The following PLEKHG4B variants were observed in gnomAD, a reference collection of about 807,000 sequenced individuals.
PLEKHG4B encodes pleckstrin homology and RhoGEF domain containing G4B.
A neutral mutation model predicts 121.3 loss-of-function variants in PLEKHG4B; 111 were observed. That is an observed-to-expected ratio of 0.92 (90% CI 0.78 to 1.07). PLEKHG4B has a LOEUF of 1.07. PLEKHG4B is among the 50% of genes least tolerant of loss of function. PLEKHG4B has a pLI of 0.00. For missense variants in PLEKHG4B, 1,831 were observed against 1,757.8 expected, an observed-to-expected ratio of 1.04 and a Z score of -0.74; for synonymous variants, 738 against 725.0, an observed-to-expected ratio of 1.02 and a Z score of -0.29.
chr5:160,403 C>T (rs551832929), intron 11 of PLEKHG4B, among the ~76,000 whole-genome samples: 6 of 152,358 alleles, frequency 3.9e-5, no homozygotes, highest in Non-Finnish European at 7.3e-5. Flanking sequence ...GAGGTTTCCA[C>T]GCATAAGCCG....
intron 2 of PLEKHG4B, among the ~76,000 whole-genome samples, chr5:131,463 A>G (rs1192543121): frequency 6.6e-6 from 1 of 152,096 alleles, no homozygotes; most frequent in African/African-American, 2.4e-5. Flanking sequence ...TTATGGCTAC[A>G]TAGTATTCCA....
At chr5:104,871 C>T (rs62344109) in intron 1 of PLEKHG4B, among the ~76,000 whole-genome samples, 3,119 of 152,342 alleles carry the variant, frequency 0.02, 65 homozygotes, top group Middle Eastern at 0.075. Flanking sequence ...TACAACCTTC[C>T]TGCTGTAAGA....
chr5:92,936 C>T lies in PLEKHG4B; in HGVS notation c.45+660C>T, dbSNP rs555914667. 7.2e-4 allele frequency among the ~76,000 whole-genome samples: 110 copies of T among 152,170 alleles called. No individual in the cohort carries two copies. In the Middle Eastern group the frequency reaches 0.01, roughly 14 times the overall value. ...TAGTAAAACAAGACAGTTATTTCAG[C>T]TTTGGTGAAAGAGTGATAAAGCTGT... On this transcript the variant is annotated intron_variant, in intron 1 of 19. Transcript: ENST00000637938.
At chr5:172,558 T>C (rs1414896493) in intron 16 of PLEKHG4B, among the ~76,000 whole-genome samples, 1 of 152,092 alleles carries the variant, frequency 6.6e-6, no homozygotes, top group African/African-American at 2.4e-5. Flanking sequence ...TTGTGATCTC[T>C]GCACGTATGA....
intron 19 of PLEKHG4B, 22 bp from the exon 20 acceptor site, chr5:181,982 C>T (rs767798974): frequency 7.5e-6 from 12 of 1,605,038 alleles, no homozygotes; most frequent in Non-Finnish European, 1.0e-5. Flanking sequence ...GCCAGCCTGA[C>T]GTGCTTTCTG....
At position 140,577 on chromosome 5, in the gene PLEKHG4B, C is replaced by T. The variant is rs1187830219; in HGVS notation, c.1338C>T (p.Ser446=). ...GGTCCTGGGAAAGGGCACCCAGAAG[C>T]TCCAGAGGGGCCCAGGCTGCAGCCT... The part of the protein sequence containing the change: ...RSRSWERAPR[S]SRGAQAAACH... Residue 446 remains serine (S), a synonymous_variant, in exon 3 of 20, where the codon AGC becomes AGT. Transcript: ENST00000637938. The T allele has an allele frequency of 5.6e-6, 9 of 1,608,962 alleles. No homozygotes were observed. The Middle Eastern group carries it at 5.0e-4, about 89-fold the overall frequency.
chr5:111,441 A>G (rs1295812923), intron 1 of PLEKHG4B, among the ~76,000 whole-genome samples: 4 of 152,198 alleles, frequency 2.6e-5, no homozygotes, highest in Non-Finnish European at 5.9e-5. Context: ...TTGACAGCGC[A>G]GTGCACCAGC....
intron 1 of PLEKHG4B, among the ~76,000 whole-genome samples, chr5:108,240 C>T (rs114139248): frequency 3.3e-5 from 5 of 152,212 alleles, no homozygotes; most frequent in Non-Finnish European, 7.3e-5. Flanking sequence ...GATGATGTGG[C>T]TTTTGGTGAT....
intron 2 of PLEKHG4B, among the ~76,000 whole-genome samples, chr5:134,765 C>CAAAAA (rs147226236): frequency 7.1e-5 from 6 of 84,652 alleles, no homozygotes; most frequent in African/African-American, 1.1e-4. Context: ...GACTCTGTCT[C>CAAAAA]AAAAAAAAAA....
intron 18 of PLEKHG4B, among the ~76,000 whole-genome samples, chr5:179,038 T>C (rs1736853020): frequency 6.6e-6 from 1 of 152,266 alleles, no homozygotes; most frequent in Admixed American, 6.5e-5. Flanking sequence ...CCTGTGGATA[T>C]GGAACCCACT....
chr5:135,573 G>A (rs1027337532), intron 2 of PLEKHG4B, among the ~76,000 whole-genome samples: 6 of 148,204 alleles, frequency 4.0e-5, no homozygotes, highest in African/African-American at 5.0e-5. Context: ...GGCTGAGGCA[G>A]GAGAATGGCA....
chr5:110,978 C>T (rs192046053), intron 1 of PLEKHG4B, among the ~76,000 whole-genome samples: 63 of 152,378 alleles, frequency 4.1e-4, no homozygotes, highest in African/African-American at 1.4e-3. Context: ...CTCCTGGCCC[C>T]GAGGCCTGGA....
At chr5:158,593 C>T (rs1226722650) in intron 11 of PLEKHG4B, among the ~76,000 whole-genome samples, 4 of 147,352 alleles carry the variant, frequency 2.7e-5, no homozygotes, top group African/African-American at 5.0e-5. Context: ...CTTCATCTTC[C>T]CCTCCTCGTT....
chr5:118,797 A>T (rs1444634452), intron 2 of PLEKHG4B, among the ~76,000 whole-genome samples: 1 of 150,160 alleles, frequency 6.7e-6, no homozygotes, highest in Non-Finnish European at 1.5e-5. Context: ...GTTGTCATAT[A>T]TTATATATAT....
In PLEKHG4B at chr5:181,589, C is replaced by A. The variant is rs1364904119; in HGVS notation, c.4478C>A (p.Thr1493Asn). 1 of 1,614,090 alleles carries A rather than the reference C, an allele frequency of 6.2e-7. No homozygotes were observed. The highest frequency in any genetic ancestry group is 1.1e-5 in the South Asian group (1 of 91,074). ...ATGGATGTCAAGCCCAGAGACCGGA[C>A]CCCTGACTGTGCAGTGATAAGCGAC... ...PFMDVKPRDR[T>N]PDCAVISDRA... The change falls in exon 19 of 20, where the codon ACC (threonine) becomes AAC (asparagine). Residue 1493 changes from threonine (T) to asparagine (N), a missense_variant. Coordinates refer to ENST00000637938, the MANE Select transcript of PLEKHG4B (RefSeq NM_052909.5).
chr5:173,305 A>G (rs954248151), intron 17 of PLEKHG4B, among the ~76,000 whole-genome samples: 2 of 152,128 alleles, frequency 1.3e-5, no homozygotes, highest in Admixed American at 6.5e-5. Flanking sequence ...GGGCTGAGAA[A>G]CAAGTGCCTA....
chr5:144,676 T>G, intron 5 of PLEKHG4B, 151 bp from the exon 6 acceptor site: 1 of 634,230 alleles, frequency 1.6e-6, no homozygotes, highest in South Asian at 2.0e-5. Flanking sequence ...GGCCTGCACC[T>G]TCGGGAAGTG....
intron 2 of PLEKHG4B, among the ~76,000 whole-genome samples, chr5:124,797 T>C (rs993669884): frequency 1.3e-5 from 2 of 152,324 alleles, no homozygotes; most frequent in Admixed American, 6.5e-5. Context: ...AGTGAGTCTT[T>C]TGTGGACACC....
chr5:147,342 G>A (rs1221570829), intron 6 of PLEKHG4B, among the ~76,000 whole-genome samples: 2 of 152,208 alleles, frequency 1.3e-5, no homozygotes, highest in Non-Finnish European at 2.9e-5. Flanking sequence ...CTGCACCACA[G>A]CATGAGCATG....
Sources: gnomAD v4.1 joint callset for allele counts (sites outside exome capture counted in the v4.1 genomes callset) on GRCh38, gnomAD v4.1.1 for gene constraint, MANE v1.5 for transcripts, NCBI Gene and HGNC (gene_info 2026-07-23, HGNC 2026-07-21) for gene names.